The following MECOM variants were observed in gnomAD, a reference collection of about 807,000 sequenced individuals.
MECOM encodes the protein histone-lysine N-methyltransferase MECOM.
Under a neutral mutation model 116.3 loss-of-function variants are expected in MECOM, and 13 were observed. The observed-to-expected ratio is 0.11, with a 90% CI of 0.07 to 0.18. MECOM has a LOEUF of 0.18. MECOM is among the 10% of genes least tolerant of loss of function. The pLI, the probability that MECOM is intolerant of heterozygous loss-of-function variation, is 1.00. For synonymous variants in MECOM, 528 were observed against 535.2 expected, an observed-to-expected ratio of 0.99 and a Z score of 0.19; for missense variants, 1,299 against 1,509.0, an observed-to-expected ratio of 0.86 and a Z score of 2.31.
At chr3:169,438,421 T>C (rs1375718197) in intron 1 of MECOM, among the ~76,000 whole-genome samples, 1 of 152,184 alleles carries the variant, frequency 6.6e-6, no homozygotes, top group Non-Finnish European at 1.5e-5. Flanking sequence ...TAAGGGAGTA[T>C]GCAGTGAGAC....
chr3:169,653,817 G>A (rs993151515), intron 1 of MECOM, among the ~76,000 whole-genome samples: 4 of 152,140 alleles, frequency 2.6e-5, no homozygotes, highest in Non-Finnish European at 5.9e-5. Flanking sequence ...GCACAAAAAG[G>A]TTACATGGCT....
rs1339091897 is a variant in MECOM at position 169,405,825 on chromosome 3, A to C, written c.38-24301T>G. ...AAAAAGGGTGGTTGTACTTCTCAGG[A>C]GTGGCCCCCAAATTTCTACATCAGA... On this transcript the variant is annotated intron_variant, in intron 1 of 16. Transcript: ENST00000651503. Among the ~76,000 whole-genome samples the C allele has an allele frequency of 3.3e-5, 5 of 152,342 alleles. No individual in the cohort carries two copies. The East Asian group carries it at 7.7e-4, about 23-fold the overall frequency.
In MECOM at chr3:169,115,653, G is replaced by A. The variant is rs201320721; in HGVS notation, c.2219C>T (p.Ser740Phe). Residue 740 changes from serine (S) to phenylalanine (F), a missense_variant, in exon 8 of 17, where the codon TCC (serine) becomes TTC (phenylalanine). Ser to Phe is a radical substitution (Grantham distance 155). Transcript: ENST00000651503. The part of the protein sequence containing the change: ...VKKLQKGSSE[S>F]PFDLTTKRKD... ...TCGCTTAGTGGTGAGATCAAAGGGG[G>A]ACTCAGAGCTGCCCTTCTGCAGTTT... 3.2e-4 allele frequency: 515 copies of A among 1,614,034 alleles called. No homozygotes were observed. Among genetic ancestry groups the A allele is most frequent in the Non-Finnish European group, 4.0e-4 (476 of 1,180,032 alleles).
chr3:169,518,026 A>G (rs899182423), intron 1 of MECOM, among the ~76,000 whole-genome samples: 27 of 152,216 alleles, frequency 1.8e-4, no homozygotes, highest in South Asian at 8.3e-4. Flanking sequence ...TTGGGAGGCC[A>G]AGGCGGGCTG....
intron 1 of MECOM, among the ~76,000 whole-genome samples, chr3:169,564,550 G>T (rs1191922950): frequency 2.6e-5 from 4 of 152,108 alleles, no homozygotes; most frequent in Non-Finnish European, 5.9e-5. Context: ...TCCACAGCAG[G>T]TCTTAGGTTA....
At chr3:169,422,080 C>CT (rs1246554094) in intron 1 of MECOM, among the ~76,000 whole-genome samples, 1 of 151,818 alleles carries the variant, frequency 6.6e-6, no homozygotes, top group African/African-American at 2.4e-5. Flanking sequence ...TTATTGGTTT[C>CT]TTTTTTAAAA....
At chr3:169,495,216 C>A (rs12634968) in intron 1 of MECOM, among the ~76,000 whole-genome samples, 56,370 of 151,992 alleles carry the variant, frequency 0.37, 10,831 homozygotes, top group Non-Finnish European at 0.42. Context: ...CTTTAACCTT[C>A]TGTGAATTAT....
At chr3:169,212,636 GTATATATATATATATATATATA>G (rs61115570) in intron 2 of MECOM, among the ~76,000 whole-genome samples, 5 of 26,062 alleles carry the variant, frequency 1.9e-4, no homozygotes, top group South Asian at 2.3e-3. Flanking sequence ...AGTCAGCAAT[GTATATATATATATATATATATA>G]TATATATATA....
chr3:169,087,312 G>A (rs1718107416), intron 16 of MECOM, among the ~76,000 whole-genome samples: 1 of 152,096 alleles, frequency 6.6e-6, no homozygotes, highest in South Asian at 2.1e-4. Context: ...AAAAAACCAT[G>A]GCCAGGTGCA....
intron 2 of MECOM, among the ~76,000 whole-genome samples, chr3:169,239,811 G>A (rs1050482349): frequency 2.8e-4 from 43 of 152,236 alleles, no homozygotes; most frequent in East Asian, 1.9e-4. Context: ...AAGCAATATG[G>A]AAACTTTGAG....
At chr3:169,523,652 A>G (rs1185486449) in intron 1 of MECOM, among the ~76,000 whole-genome samples, 1 of 152,112 alleles carries the variant, frequency 6.6e-6, no homozygotes, top group Non-Finnish European at 1.5e-5. Context: ...TAGGCTGTTT[A>G]TTATCTATGC....
intron 1 of MECOM, among the ~76,000 whole-genome samples, chr3:169,387,442 T>C (rs111343469): frequency 4.3e-4 from 66 of 152,328 alleles, no homozygotes; most frequent in Non-Finnish European, 8.2e-4. Flanking sequence ...TAACTGCAAA[T>C]CTGGTCAGAT....
intron 1 of MECOM, among the ~76,000 whole-genome samples, chr3:169,648,898 G>A (rs894900956): frequency 1.3e-5 from 2 of 152,176 alleles, no homozygotes; most frequent in South Asian, 4.1e-4. Flanking sequence ...TCAGACAGTG[G>A]TGCTCTTGTA....
At chr3:169,403,070 A>C (rs1373081375) in intron 1 of MECOM, among the ~76,000 whole-genome samples, 1 of 152,230 alleles carries the variant, frequency 6.6e-6, no homozygotes, top group East Asian at 1.9e-4. Flanking sequence ...GATTTTTAAA[A>C]CTCATTCAGT....
chr3:169,249,638 A>T (rs1756010017), intron 2 of MECOM, among the ~76,000 whole-genome samples: 2 of 152,174 alleles, frequency 1.3e-5, no homozygotes, highest in African/African-American at 2.4e-5. Context: ...TACAGTCTAG[A>T]TTGCCTTGAT....
At chr3:169,494,184 A>G (rs1212626941) in intron 1 of MECOM, among the ~76,000 whole-genome samples, 1 of 151,984 alleles carries the variant, frequency 6.6e-6, no homozygotes, top group Non-Finnish European at 1.5e-5. Flanking sequence ...AACAGGGGAC[A>G]ATCTCAGTTT....
chr3:169,314,101 C>T (rs1719300360), intron 2 of MECOM, among the ~76,000 whole-genome samples: 1 of 152,234 alleles, frequency 6.6e-6, no homozygotes, highest in South Asian at 2.1e-4. Flanking sequence ...ATTAGCTACA[C>T]TTTGCTAGAA....
chr3:169,084,935 C>G lies in MECOM; in HGVS notation c.3694G>C (p.Ala1232Pro). 6.2e-7 allele frequency: 1 copy of G among 1,614,044 alleles called. No individual in the cohort carries two copies. The highest frequency in any genetic ancestry group is 8.5e-7 in the Non-Finnish European group (1 of 1,179,996). Reference sequence around the variant, plus strand: ...CATACGTGGCTTATGGACTGGATAGCACTGGATTCCGCCGCAGCCCTGGCC... The same window carrying G: ...CATACGTGGCTTATGGACTGGATAGGACTGGATTCCGCCGCAGCCCTGGCC... The part of the protein sequence containing the change: ...SMARAAAESS[A>P]IQSISHV Residue 1232 changes from alanine (A) to proline (P), a missense_variant, in exon 17 of 17, where the codon GCT becomes CCT. Coordinates refer to ENST00000651503, the MANE Select transcript of MECOM (RefSeq NM_004991.4).
chr3:169,591,888 A>G (rs1372107960), intron 1 of MECOM, among the ~76,000 whole-genome samples: 2 of 121,744 alleles, frequency 1.6e-5, no homozygotes, highest in Non-Finnish European at 3.4e-5. Flanking sequence ...CCATAACAAC[A>G]GTACAGTATA....
Sources: allele counts gnomAD v4.1 joint callset (sites outside exome capture counted in the v4.1 genomes callset), GRCh38; gene constraint gnomAD v4.1.1; transcripts MANE v1.5; gene names NCBI Gene and HGNC (gene_info 2026-07-23, HGNC 2026-07-21).